The following EDIL3 variants were observed in gnomAD, a reference collection of about 807,000 sequenced individuals.
EDIL3 encodes EGF like and discoidin domains 3, also known as EGF-like repeat and discoidin I-like domain-containing protein 3.
In EDIL3, 37 loss-of-function variants were observed where a neutral mutation model predicts 67.4. The observed-to-expected ratio is 0.55, with a 90% CI of 0.42 to 0.72. The LOEUF (loss-of-function observed/expected upper bound fraction) is 0.72, where lower values mean the gene tolerates loss of function less well. Among genes scored for constraint, EDIL3 ranks in the 30% least tolerant of loss-of-function variants. The pLI, the probability that EDIL3 is intolerant of heterozygous loss-of-function variation, is 0.00. For missense variants in EDIL3, 527 were observed against 586.3 expected, an observed-to-expected ratio of 0.90 and a Z score of 1.04; for synonymous variants, 195 against 196.3, an observed-to-expected ratio of 0.99 and a Z score of 0.05.
intron 6 of EDIL3, among the ~76,000 whole-genome samples, chr5:84,087,821 C>G (rs1460421258): frequency 6.6e-6 from 1 of 151,956 alleles, no homozygotes; most frequent in African/African-American, 2.4e-5. Context: ...GGGAAAGCTT[C>G]CCTGAGGAAC....
rs1250083354 is a variant in EDIL3 at position 84,060,376 on chromosome 5, C to T, written c.1061G>A (p.Arg354Lys). 6.2e-7 allele frequency: 1 copy of T among 1,613,826 alleles called. No homozygotes were observed. The highest frequency in any genetic ancestry group is 1.7e-5 in the Admixed American group (1 of 59,962). The change falls in exon 9 of 11, where the codon AGG (arginine) becomes AAG (lysine). Residue 354 changes from arginine (R) to lysine (K), a missense_variant. Around this residue, in one of 2 missense-constraint regions of EDIL3, gnomAD observed 494 missense variants for 522.5 expected, o/e 0.95. Coordinates refer to ENST00000296591, the MANE Select transcript of EDIL3 (RefSeq NM_005711.5). ...LNMDMFTWEP[R>K]KARLDKQGKV... Reference sequence around the variant, plus strand: ...GCCTTGCTTGTCCAGCCGAGCTTTCCTTGGTTCCCAAGTGAACATGTCCAT... The same window carrying T: ...GCCTTGCTTGTCCAGCCGAGCTTTCTTTGGTTCCCAAGTGAACATGTCCAT...
chr5:84,134,606 C>G (rs1230198208), intron 5 of EDIL3, among the ~76,000 whole-genome samples: 6 of 152,098 alleles, frequency 3.9e-5, no homozygotes, highest in Admixed American at 2.6e-4. Context: ...AATCATTACC[C>G]CTTTTTACTC....
intron 1 of EDIL3, among the ~76,000 whole-genome samples, chr5:84,319,782 A>C (rs1746596046): frequency 6.6e-6 from 1 of 152,216 alleles, no homozygotes. Flanking sequence ...CTGGATAAAG[A>C]AAATGAGGTA....
intron 1 of EDIL3, among the ~76,000 whole-genome samples, chr5:84,292,696 C>G (rs189736502): frequency 4.6e-4 from 70 of 152,066 alleles, no homozygotes; most frequent in Non-Finnish European, 7.9e-4. Flanking sequence ...ATTTCACAGA[C>G]TAAGGAATTT....
At chr5:84,153,841 C>T (rs933518107) in intron 4 of EDIL3, among the ~76,000 whole-genome samples, 2 of 152,210 alleles carry the variant, frequency 1.3e-5, no homozygotes, top group African/African-American at 4.8e-5. Flanking sequence ...CAGTGAACTA[C>T]AGCTACAGTT....
intron 3 of EDIL3, among the ~76,000 whole-genome samples, chr5:84,193,383 T>C (rs1743631344): frequency 6.6e-6 from 1 of 151,830 alleles, no homozygotes; most frequent in African/African-American, 2.4e-5. Flanking sequence ...TGGATGAATA[T>C]TGGTGCCATT....
chr5:84,342,660 G>A (rs913334130), intron 1 of EDIL3, among the ~76,000 whole-genome samples: 3 of 151,898 alleles, frequency 2.0e-5, no homozygotes, highest in African/African-American at 7.3e-5. Context: ...ATTAAATGAG[G>A]ATGATTTACA....
chr5:84,337,920 C>T (rs1388858510), intron 1 of EDIL3, among the ~76,000 whole-genome samples: 1 of 152,072 alleles, frequency 6.6e-6, no homozygotes. Flanking sequence ...AGTCATGCAA[C>T]TATAGAAGAA....
intron 3 of EDIL3, among the ~76,000 whole-genome samples, chr5:84,202,844 C>A (rs1743873542): frequency 6.6e-6 from 1 of 152,234 alleles, no homozygotes; most frequent in Admixed American, 6.5e-5. Flanking sequence ...AATATAATAT[C>A]TCCTATAATG....
intron 6 of EDIL3, among the ~76,000 whole-genome samples, chr5:84,103,305 A>G (rs1181488908): frequency 1.3e-5 from 2 of 152,102 alleles, no homozygotes; most frequent in East Asian, 3.9e-4. Context: ...GGACAGAGGA[A>G]ATGGCAAATA....
In EDIL3 at chr5:83,941,629, T is replaced by C. The variant is rs1239224777; in HGVS notation, c.*1790A>G. On this transcript the variant is annotated 3_prime_UTR_variant, in exon 11 of 11. Coordinates refer to ENST00000296591, the MANE Select transcript of EDIL3 (RefSeq NM_005711.5). ...GTTACAAATATTTTAAAATCCTAAC[T>C]TTAAAGTTATCTAAAAAAGGCAATA... The C allele has an allele frequency of 6.6e-6, 1 of 151,960 alleles. No homozygotes were observed. Among genetic ancestry groups the C allele is most frequent in the African/African-American group, 2.4e-5 (1 of 41,440 alleles). 9.4% of individuals were successfully genotyped at this position (151,960 alleles called of 1,614,324 possible).
intron 6 of EDIL3, among the ~76,000 whole-genome samples, chr5:84,076,976 T>C (rs1746872239): frequency 6.6e-6 from 1 of 152,198 alleles, no homozygotes; most frequent in Non-Finnish European, 1.5e-5. Flanking sequence ...CATAAACCCC[T>C]TTTCATCACA....
intron 9 of EDIL3, among the ~76,000 whole-genome samples, chr5:84,031,084 C>A (rs1045814767): frequency 6.6e-6 from 1 of 152,084 alleles, no homozygotes. Context: ...GTGTCCTAAT[C>A]TCCTCTTCTT....
chr5:84,033,768 G>T (rs925483274), intron 9 of EDIL3, among the ~76,000 whole-genome samples: 3 of 151,724 alleles, frequency 2.0e-5, no homozygotes, highest in African/African-American at 7.3e-5. Context: ...CAAAGAATCT[G>T]GTGTGTTTCT....
At chr5:84,183,105 C>T (rs2112360060) in intron 3 of EDIL3, among the ~76,000 whole-genome samples, 1 of 152,298 alleles carries the variant, frequency 6.6e-6, no homozygotes, top group Non-Finnish European at 1.5e-5. Flanking sequence ...TTTGATAGTG[C>T]CTTACAATTT....
At chr5:84,089,891 T>G in intron 6 of EDIL3, among the ~76,000 whole-genome samples, 1 of 152,212 alleles carries the variant, frequency 6.6e-6, no homozygotes, top group Admixed American at 6.5e-5. Context: ...TCAAAGATGC[T>G]AAATATGCTA....
chr5:84,304,939 C>T (rs983806323), intron 1 of EDIL3, among the ~76,000 whole-genome samples: 1 of 152,134 alleles, frequency 6.6e-6, no homozygotes. Flanking sequence ...TAAGTAGAAT[C>T]TTCATCAATA....
At chr5:84,032,186 A>C (rs928017072) in intron 9 of EDIL3, among the ~76,000 whole-genome samples, 2 of 152,236 alleles carry the variant, frequency 1.3e-5, no homozygotes, top group African/African-American at 4.8e-5. Context: ...CATATTGAAC[A>C]TAATTAGAAT....
intron 1 of EDIL3, among the ~76,000 whole-genome samples, chr5:84,290,082 A>G (rs1561246869): frequency 6.6e-6 from 1 of 152,114 alleles, no homozygotes; most frequent in Non-Finnish European, 1.5e-5. Flanking sequence ...CCCAGCCACA[A>G]GTGTTGGATC....
Sources: allele counts gnomAD v4.1 joint callset (sites outside exome capture counted in the v4.1 genomes callset), GRCh38; gene constraint gnomAD v4.1.1; regional missense constraint gnomAD v4.1.1; transcripts MANE v1.5; gene names NCBI Gene and HGNC (gene_info 2026-07-23, HGNC 2026-07-21).